Variants in NEBL observed in about 807,000 individuals in gnomAD.
The protein encoded by NEBL is LIM and SH3 protein 2.
Under a neutral mutation model 140.2 loss-of-function variants are expected in NEBL, and 122 were observed. That is an observed-to-expected ratio of 0.87 (90% confidence interval 0.75 to 1.01). The LOEUF is 1.01. Among genes scored for constraint, NEBL ranks in the 50% least tolerant of loss-of-function variants. The pLI is 0.00. For missense variants in NEBL, 1,365 were observed against 1,231.3 expected (o/e 1.11, Z -1.62); for synonymous variants, 436 against 398.9 (o/e 1.09, Z -1.11).
intron 9 of NEBL, 23 bp from the exon 10 acceptor site, chr10:20,852,672 C>T (rs774936988): frequency 6.5e-7 from 1 of 1,540,846 alleles, no homozygotes; most frequent in South Asian, 1.1e-5. Flanking sequence ...ATGGGGAAAT[C>T]AACTTAGAAT....
At chr10:21,103,282 C>T (rs1487154416) in intron 2 of NEBL, among the ~76,000 whole-genome samples, 1 of 149,912 alleles carries the variant, frequency 6.7e-6, no homozygotes, top group Middle Eastern at 3.3e-3. Flanking sequence ...GCTGCAATCT[C>T]GGCCCACTGC....
At chr10:20,930,342 T>C (rs1374870997) in intron 4 of NEBL, among the ~76,000 whole-genome samples, 2 of 152,254 alleles carry the variant, frequency 1.3e-5, no homozygotes, top group African/African-American at 2.4e-5. Context: ...CTGAAATTCA[T>C]CTTCTTTTCT....
chr10:20,855,413 T>C (rs1842966462), intron 9 of NEBL, among the ~76,000 whole-genome samples: 1 of 151,290 alleles, frequency 6.6e-6, no homozygotes, highest in Non-Finnish European at 1.5e-5. Flanking sequence ...TATAAATATA[T>C]GTAAAATAAT....
chr10:21,165,511 T>C (rs1019596145), intron 2 of NEBL, among the ~76,000 whole-genome samples: 2 of 152,142 alleles, frequency 1.3e-5, no homozygotes, highest in African/African-American at 4.8e-5. Flanking sequence ...TATCCTAAAC[T>C]AGGGGCTAAG....
chr10:20,995,601 C>T (rs909123474), intron 3 of NEBL, among the ~76,000 whole-genome samples: 2 of 152,128 alleles, frequency 1.3e-5, no homozygotes, highest in Non-Finnish European at 2.9e-5. Flanking sequence ...AATAGGAGGA[C>T]GCTGGAGAAA....
chr10:21,046,702 G>T (rs1411448043), intron 2 of NEBL, among the ~76,000 whole-genome samples: 1 of 152,108 alleles, frequency 6.6e-6, no homozygotes, highest in African/African-American at 2.4e-5. Context: ...CCGGGTTCAC[G>T]CCATTCTCCT....
At chr10:21,047,164 G>A (rs1290652727) in intron 2 of NEBL, among the ~76,000 whole-genome samples, 1 of 152,170 alleles carries the variant, frequency 6.6e-6, no homozygotes, top group Non-Finnish European at 1.5e-5. Context: ...GAGAAAAGCA[G>A]ATCATCTATT....
intron 2 of NEBL, among the ~76,000 whole-genome samples, chr10:21,248,412 C>T (rs1842545675): frequency 6.6e-6 from 1 of 152,014 alleles, no homozygotes; most frequent in East Asian, 1.9e-4. Context: ...TAAGTGGAAT[C>T]ATGCAAAATT....
chr10:20,798,755 A>G (rs908921117), intron 26 of NEBL, among the ~76,000 whole-genome samples: 2 of 152,156 alleles, frequency 1.3e-5, no homozygotes, highest in African/African-American at 2.4e-5. Context: ...TTAATGTTGT[A>G]TTGTTTCTAG....
At position 21,094,434 on chromosome 10, in the gene NEBL, G is replaced by A. The variant is rs186078593; in HGVS notation, c.165-74233C>T. ...GGAGAATGGCGTGAACCACAGAGGC[G>A]GAGCTTGCAGTGAGCCGAGATTGTG... is the stretch of plus-strand genomic sequence containing the variant. On this transcript the variant is annotated intron_variant, in intron 2 of 6. Transcript: ENST00000417816. Among the ~76,000 whole-genome samples the A allele has an allele frequency of 1.7e-4, 26 of 149,288 alleles. 1 individual carries two copies. The highest frequency in any genetic ancestry group is 1.2e-3 in the Admixed American group (18 of 14,894).
At chr10:20,860,697 T>A (rs1419558553) in intron 7 of NEBL, among the ~76,000 whole-genome samples, 3 of 152,180 alleles carry the variant, frequency 2.0e-5, no homozygotes, top group Non-Finnish European at 4.4e-5. Flanking sequence ...ATTTTTCTGA[T>A]GTTATAATTA....
intron 2 of NEBL, among the ~76,000 whole-genome samples, chr10:21,104,649 A>G (rs1837627896): frequency 6.6e-6 from 1 of 152,146 alleles, no homozygotes; most frequent in South Asian, 2.1e-4. Flanking sequence ...GATTATCCAC[A>G]TAGACAATCA....
intron 3 of NEBL, among the ~76,000 whole-genome samples, chr10:21,237,149 CA>C (rs1842364828): frequency 6.6e-6 from 1 of 152,202 alleles, no homozygotes; most frequent in Non-Finnish European, 1.5e-5. Flanking sequence ...AAAATCCTGT[CA>C]AAGCCTGTTT....
intron 2 of NEBL, among the ~76,000 whole-genome samples, chr10:21,026,775 G>A (rs539575238): frequency 1.3e-5 from 2 of 152,218 alleles, no homozygotes; most frequent in African/African-American, 4.8e-5. Flanking sequence ...CTGCTTAGAA[G>A]GATGGCCCTT....
intron 3 of NEBL, among the ~76,000 whole-genome samples, chr10:20,985,484 A>G (rs191810767): frequency 2.6e-5 from 4 of 152,336 alleles, no homozygotes; most frequent in African/African-American, 9.6e-5. Context: ...TAACATTCTA[A>G]TAAGATTATC....
At chr10:21,046,868 C>G (rs1384763238) in intron 2 of NEBL, among the ~76,000 whole-genome samples, 1 of 152,152 alleles carries the variant, frequency 6.6e-6, no homozygotes. Flanking sequence ...TCCCAGAGTG[C>G]TGGGATTACA....
intron 4 of NEBL, among the ~76,000 whole-genome samples, chr10:20,960,929 GTCAC>G (rs955130576): frequency 2.8e-4 from 43 of 152,074 alleles, no homozygotes; most frequent in African/African-American, 1.0e-3. Flanking sequence ...ATACTTTTAT[GTCAC>G]TCACACATCT....
At chr10:21,016,304 T>C (rs116409309) in intron 3 of NEBL, among the ~76,000 whole-genome samples, 1,963 of 152,302 alleles carry the variant, frequency 0.013, 34 homozygotes, top group African/African-American at 0.045. Flanking sequence ...TAACTCTTGG[T>C]TTGTTTGTTT....
At chr10:21,227,718 TTCTTCTTCTTC>T (rs1842181459) in intron 3 of NEBL, among the ~76,000 whole-genome samples, 73 of 79,832 alleles carry the variant, frequency 9.1e-4, no homozygotes, top group African/African-American at 2.7e-3. Context: ...TTCTTTCTTC[TTCTTCTTCTTC>T]TTCTTCTTCT....
Sources: allele counts gnomAD v4.1 joint callset (sites outside exome capture counted in the v4.1 genomes callset), GRCh38; gene constraint gnomAD v4.1.1; transcripts MANE v1.5; gene names NCBI Gene and HGNC (gene_info 2026-07-23, HGNC 2026-07-21).